The following NTRK2 variants were observed in gnomAD, a reference collection of about 807,000 sequenced individuals.
NTRK2 encodes neurotrophic receptor tyrosine kinase 2, also known as BDNF/NT-3 growth factors receptor.
NTRK2 carries 13 observed loss-of-function variants against 94.5 expected under a neutral mutation model. The ratio of observed to expected loss-of-function variants is 0.14; its 90% CI spans 0.09 to 0.22. The LOEUF (loss-of-function observed/expected upper bound fraction) is 0.22. Ranked by LOEUF, NTRK2 falls within the 10% of genes least tolerant of loss-of-function variation. The pLI, the probability that NTRK2 is intolerant of heterozygous loss-of-function variation, is 1.00. For missense variants in NTRK2, 639 were observed against 1,071.2 expected (o/e 0.60, Z 5.63); for synonymous variants, 372 against 407.4 (o/e 0.91, Z 1.05).
chr9:84,947,641 T>C (rs1483381718), intron 15 of NTRK2, among the ~76,000 whole-genome samples: 2 of 152,236 alleles, frequency 1.3e-5, no homozygotes, highest in East Asian at 3.9e-4. Flanking sequence ...ACAGTGGGTT[T>C]TGAGCTTGAA....
chr9:84,751,776 A>G lies in NTRK2; in HGVS notation c.1297-210A>G, dbSNP rs539682299. ...TTAACTTATGTTTTCTCATTTGTAA[A>G]GTAGGCATAATAATAGATCTTACAT... On this transcript the variant is annotated intron_variant, in intron 11 of 18. Transcript: ENST00000277120. 6.6e-6 allele frequency among the ~76,000 whole-genome samples: 1 copy of G among 152,280 alleles called. No individual in the cohort carries two copies. The highest frequency in any genetic ancestry group is 1.9e-4 in the East Asian group (1 of 5,184).
intron 17 of NTRK2, among the ~76,000 whole-genome samples, chr9:84,974,626 G>C (rs762792750): frequency 2.6e-5 from 4 of 152,162 alleles, no homozygotes; most frequent in Non-Finnish European, 5.9e-5. Flanking sequence ...CATGGAGACT[G>C]AGCAGCATGG....
intron 17 of NTRK2, among the ~76,000 whole-genome samples, chr9:84,976,993 T>C (rs1277289903): frequency 6.6e-6 from 1 of 152,248 alleles, no homozygotes; most frequent in East Asian, 1.9e-4. Flanking sequence ...TTGATTCTTA[T>C]TATTCACAGT....
chr9:84,791,666 T>A (rs2068749440), intron 12 of NTRK2, among the ~76,000 whole-genome samples: 1 of 152,246 alleles, frequency 6.6e-6, no homozygotes, highest in Non-Finnish European at 1.5e-5. Flanking sequence ...AGAAGTAATG[T>A]TTTGTTATTT....
chr9:84,773,424 CCTT>C (rs1408534060), intron 12 of NTRK2, among the ~76,000 whole-genome samples: 1 of 152,112 alleles, frequency 6.6e-6, no homozygotes, highest in East Asian at 1.9e-4. Flanking sequence ...TGAGGGGAGT[CCTT>C]CTTTAAGGAA....
chr9:84,785,659 A>T (rs2068046438), intron 12 of NTRK2, among the ~76,000 whole-genome samples: 1 of 152,166 alleles, frequency 6.6e-6, no homozygotes, highest in African/African-American at 2.4e-5. Flanking sequence ...GGCCTGTAGA[A>T]TCTTCCAGTT....
chr9:85,018,672 C>T (rs965496520), intron 17 of NTRK2, among the ~76,000 whole-genome samples: 9 of 152,198 alleles, frequency 5.9e-5, no homozygotes, highest in Non-Finnish European at 1.2e-4. Context: ...AATAGCTGCA[C>T]CCATATTTAC....
chr9:84,986,499 C>T (rs1230853619), intron 17 of NTRK2, among the ~76,000 whole-genome samples: 5 of 152,230 alleles, frequency 3.3e-5, no homozygotes, highest in Non-Finnish European at 7.3e-5. Flanking sequence ...GTAATGCTCT[C>T]TTGCCTGTCA....
Position 84,702,246 on chromosome 9 carries a change from G to A in NTRK2, c.287+13G>A, listed in dbSNP as rs761836562. The A allele has an allele frequency of 1.9e-6, 3 of 1,613,390 alleles. No individual in the cohort carries two copies. Among genetic ancestry groups the A allele is most frequent in the South Asian group, 1.1e-5 (1 of 91,040 alleles). The stretch of plus-strand genomic sequence containing the variant: ...GACTGAGAAATCTGTGAGTACTCAG[G>A]ACCAGGGCACATTATCTCAGAGAAT... On this transcript the variant is annotated intron_variant, in intron 3 of 18. Coordinates refer to ENST00000277120, the MANE Select transcript of NTRK2 (RefSeq NM_006180.6).
intron 14 of NTRK2, among the ~76,000 whole-genome samples, chr9:84,922,083 A>T (rs2077585218): frequency 6.6e-6 from 1 of 152,206 alleles, no homozygotes; most frequent in African/African-American, 2.4e-5. Flanking sequence ...GTGATAAATT[A>T]GGTTGAGCTA....
intron 12 of NTRK2, among the ~76,000 whole-genome samples, chr9:84,837,642 C>T (rs1242933168): frequency 6.6e-6 from 1 of 152,024 alleles, no homozygotes; most frequent in African/African-American, 2.4e-5. Flanking sequence ...CATATATAAC[C>T]CACTAATCAA....
intron 8 of NTRK2, among the ~76,000 whole-genome samples, chr9:84,725,354 C>A (rs993226689): frequency 1.3e-5 from 2 of 152,162 alleles, no homozygotes; most frequent in Admixed American, 6.5e-5. Context: ...CTCATAATTT[C>A]TCATCATTTT....
At chr9:84,683,503 C>T (rs2059518297) in intron 2 of NTRK2, among the ~76,000 whole-genome samples, 1 of 152,128 alleles carries the variant, frequency 6.6e-6, no homozygotes, top group Non-Finnish European at 1.5e-5. Flanking sequence ...ATCCATGTCC[C>T]TATAAAAGAC....
intron 17 of NTRK2, among the ~76,000 whole-genome samples, chr9:84,981,928 G>A (rs1184358171): frequency 6.6e-6 from 1 of 152,190 alleles, no homozygotes; most frequent in Non-Finnish European, 1.5e-5. Context: ...GGGGTGTCAA[G>A]CCAGCTGATC....
At chr9:84,836,290 G>T (rs79120781) in intron 12 of NTRK2, among the ~76,000 whole-genome samples, 2 of 152,086 alleles carry the variant, frequency 1.3e-5, no homozygotes, top group African/African-American at 4.8e-5. Context: ...CCTATGATCT[G>T]CCCTGTTCTT....
chr9:84,751,593 A>G (rs1271981213), intron 11 of NTRK2, among the ~76,000 whole-genome samples: 2 of 152,136 alleles, frequency 1.3e-5, no homozygotes, highest in East Asian at 3.9e-4. Flanking sequence ...ACACACACAC[A>G]CACAGAAAAA....
intron 12 of NTRK2, among the ~76,000 whole-genome samples, chr9:84,781,015 AT>A (rs1360800518): frequency 6.6e-6 from 1 of 152,022 alleles, no homozygotes; most frequent in Non-Finnish European, 1.5e-5. Flanking sequence ...CATCACACTA[AT>A]TTTTTTTATA....
At chr9:84,817,534 G>T (rs1007958525) in intron 12 of NTRK2, among the ~76,000 whole-genome samples, 3 of 152,212 alleles carry the variant, frequency 2.0e-5, no homozygotes. Context: ...AATTCTTGGA[G>T]AAATAGCTCT....
chr9:84,727,829 C>T lies in NTRK2; in HGVS notation c.1029C>T (p.His343=), dbSNP rs147059990. Residue 343 remains histidine, a synonymous_variant, in exon 9 of 19, where the codon CAC becomes CAT. Coordinates refer to ENST00000277120, the MANE Select transcript of NTRK2 (RefSeq NM_006180.6). ...ATGTTACCAATCACACGGAGTACCACGGCTGCCTCCAGCTGGATAATCCCA... is the reference window on the plus strand; with the variant it reads ...ATGTTACCAATCACACGGAGTACCATGGCTGCCTCCAGCTGGATAATCCCA... ...KIHVTNHTEY[H]GCLQLDNPTH... is the part of the protein sequence containing the mutation. 140 of 1,614,182 alleles carry T rather than the reference C, an allele frequency of 8.7e-5. 2 individuals carry two copies. The East Asian group carries it at 1.0e-3, about 12-fold the overall frequency.
Sources: allele counts gnomAD v4.1 joint callset (sites outside exome capture counted in the v4.1 genomes callset), GRCh38; gene constraint gnomAD v4.1.1; transcripts MANE v1.5; gene names NCBI Gene and HGNC (gene_info 2026-07-23, HGNC 2026-07-21).